PCDHA3: variants seen among roughly 807,000 people sequenced by gnomAD.
PCDHA3 encodes the protein protocadherin alpha-3.
A neutral mutation model predicts 62.2 loss-of-function variants in PCDHA3; 41 were observed. That is an observed-to-expected ratio of 0.66 (90% CI 0.51 to 0.86). The LOEUF (loss-of-function observed/expected upper bound fraction) is 0.86. PCDHA3 is among the 40% of genes least tolerant of loss of function. The probability of loss-of-function intolerance (pLI) is 0.00; values close to 1 mark genes in which losing one functional copy is unlikely to be tolerated. For missense variants in PCDHA3, 1,304 were observed against 1,241.2 expected (o/e 1.05, Z -0.76); for synonymous variants, 640 against 555.4 (o/e 1.15, Z -2.14).
chr5:140,928,351 G>A lies in PCDHA3; in HGVS notation c.2395-50598G>A, dbSNP rs201396871. ...CCTTGTCTCTTATGAGCTGTTGGAT[G>A]TTATCTCTGAAGGGCCATCAGCCTC... On this transcript the variant is annotated intron_variant, in intron 1 of 3. Coordinates refer to ENST00000522353, the MANE Select transcript of PCDHA3 (RefSeq NM_018906.3). The A allele has an allele frequency of 1.2e-5, 20 of 1,614,150 alleles. No individual in the cohort carries two copies. In the East Asian group the frequency reaches 4.5e-4, roughly 36 times the overall value.
At position 140,803,072 on chromosome 5, in the gene PCDHA3, G is replaced by T. The variant is rs782398516; in HGVS notation, c.1875G>T (p.Gly625=). The change falls in exon 1 of 4, where the codon GGG becomes GGT. Residue 625 remains glycine, a synonymous_variant. Transcript: ENST00000522353. ...GTGCGCGCATCCCGTTTCGCGTGGG[G>T]CTGTACACGGGAGAGATCAGCACGA... The part of the protein sequence containing the change: ...TGGARIPFRV[G]LYTGEISTTR... 1.2e-6 allele frequency: 2 copies of T among 1,613,932 alleles called. No individual in the cohort carries two copies. Among genetic ancestry groups the T allele is most frequent in the South Asian group, 1.1e-5 (1 of 91,082 alleles).
intron 1 of PCDHA3, chr5:140,877,356 T>G (rs1227079705): frequency 9.9e-6 from 16 of 1,613,866 alleles, no homozygotes; most frequent in Non-Finnish European, 1.4e-5. Flanking sequence ...GGCTGTACAC[T>G]GGCGAGATCA....
chr5:140,829,318 G>A, intron 1 of PCDHA3: 3 of 1,614,246 alleles, frequency 1.9e-6, no homozygotes, highest in Non-Finnish European at 2.5e-6. Context: ...CGTTGGTGCT[G>A]GACAGTGCCC....
At chr5:140,831,202 A>C (rs2150192428) in intron 1 of PCDHA3, 1 of 152,360 alleles carries the variant, frequency 6.6e-6, no homozygotes, top group East Asian at 1.9e-4. Context: ...CTTGTGATCA[A>C]GTAAATTTAT....
intron 1 of PCDHA3, among the ~76,000 whole-genome samples, chr5:140,840,382 G>C (rs1456193921): frequency 2.0e-5 from 3 of 151,912 alleles, no homozygotes; most frequent in Admixed American, 2.0e-4. Context: ...GAAAATAGGG[G>C]GTTGCAGATA....
chr5:140,985,739 CTTTTTTTTT>C (rs11372071), intron 3 of PCDHA3, among the ~76,000 whole-genome samples: 4 of 117,922 alleles, frequency 3.4e-5, no homozygotes, highest in African/African-American at 3.2e-5. Flanking sequence ...TGATGAATTC[CTTTTTTTTT>C]TTTTTTTTTT....
At chr5:140,838,881 C>T (rs2150293311) in intron 1 of PCDHA3, among the ~76,000 whole-genome samples, 1,566 of 151,954 alleles carry the variant, frequency 0.01, 49 homozygotes, top group African/African-American at 0.036. Flanking sequence ...TGCCACTGAA[C>T]TCCAGCCTAG....
At chr5:140,884,230 CG>C in intron 1 of PCDHA3, 2 of 1,613,384 alleles carry the variant, frequency 1.2e-6, no homozygotes, top group Non-Finnish European at 1.7e-6. Flanking sequence ...TGAAGGACCA[CG>C]GTGAGCCCGC....
At chr5:140,904,214 C>T (rs2070953663) in intron 1 of PCDHA3, among the ~76,000 whole-genome samples, 1 of 151,882 alleles carries the variant, frequency 6.6e-6, no homozygotes, top group South Asian at 2.1e-4. Flanking sequence ...TCCCCAAAGT[C>T]CATTGTATTA....
intron 1 of PCDHA3, among the ~76,000 whole-genome samples, chr5:140,885,298 G>C (rs1328478663): frequency 6.6e-6 from 1 of 152,040 alleles, no homozygotes; most frequent in East Asian, 1.9e-4. Flanking sequence ...AGAGAGACCT[G>C]GTAGGCTTTT....
At chr5:140,821,748 G>C (rs2150110401) in intron 1 of PCDHA3, 1 of 1,571,216 alleles carries the variant, frequency 6.4e-7, no homozygotes, top group Non-Finnish European at 8.6e-7. Context: ...TGATGCAATA[G>C]AAAGCTCATA....
At chr5:140,842,871 T>G in intron 1 of PCDHA3, 1 of 1,593,666 alleles carries the variant, frequency 6.3e-7, no homozygotes, top group Non-Finnish European at 8.6e-7. Context: ...AGCGGCAAGG[T>G]GTACGCGCTG....
rs1487503403 is a variant in PCDHA3 at position 140,941,191 on chromosome 5, T to TTTCTTTC, written c.2395-37756_2395-37755insCTTTCTT. Among the ~76,000 whole-genome samples, 158 of 93,240 alleles carry TTTCTTTC rather than the reference T, an allele frequency of 1.7e-3. 2 individuals carry two copies. Among genetic ancestry groups the TTTCTTTC allele is most frequent in the South Asian group, 0.011 (38 of 3,542 alleles). 61.2% of individuals were successfully genotyped at this position (93,240 alleles called of 152,430 possible). A position where few individuals can be genotyped will look rare whatever the true frequency, so the allele number is the denominator to read the frequency against. ...CATCTTGAACATCCTGCTTCTTTTT[T>TTTCTTTC]TTTCTTTCTTCCTTTCTTTCTTCCT... On this transcript the variant is annotated intron_variant, in intron 1 of 3. Transcript: ENST00000522353.
intron 1 of PCDHA3, chr5:140,858,095 G>C: frequency 1.3e-6 from 2 of 1,597,916 alleles, no homozygotes; most frequent in Non-Finnish European, 1.7e-6. Context: ...GCGGGCTTCA[G>C]TGGGCGTGGC....
intron 1 of PCDHA3, chr5:140,842,742 T>C: frequency 6.3e-7 from 1 of 1,594,970 alleles, no homozygotes; most frequent in Non-Finnish European, 8.6e-7. Context: ...GGCTGCCACA[T>C]CTTCACGGTG....
At position 141,010,020 on chromosome 5, in the gene PCDHA3, TTCCTA is replaced by T. The variant is rs1554262638; in HGVS notation, c.*86_*90del. 6.4e-7 allele frequency: 1 copy of T among 1,572,330 alleles called. No individual in the cohort carries two copies. Among genetic ancestry groups the T allele is most frequent in the Non-Finnish European group, 8.6e-7 (1 of 1,163,268 alleles). On this transcript the variant is annotated 3_prime_UTR_variant, in exon 4 of 4. Coordinates refer to ENST00000522353, the MANE Select transcript of PCDHA3 (RefSeq NM_018906.3). ...CCATGTAGCAATTCCCTGCTCCTTT[TTCCTA>T]TCTACATGAGCCCTCTTAGAGACCT...
intron 1 of PCDHA3, chr5:140,871,636 T>G (rs1311531075): frequency 1.5e-6 from 2 of 1,364,670 alleles, no homozygotes; most frequent in African/African-American, 2.9e-5. Flanking sequence ...TGTCTGTTCA[T>G]AAAATACCAA....
intron 1 of PCDHA3, chr5:140,825,329 C>T (rs1171364068): frequency 6.9e-6 from 1 of 145,626 alleles, no homozygotes; most frequent in South Asian, 2.1e-4. Flanking sequence ...TGGAAATTTG[C>T]ATATTTTTCA....
chr5:140,803,691 G>A, intron 1 of PCDHA3, 100 bp downstream of exon 1: 3 of 1,552,026 alleles, frequency 1.9e-6, no homozygotes, highest in African/African-American at 1.4e-5. Flanking sequence ...TATGAATTAT[G>A]TGATTCATAA....
Sources: allele counts gnomAD v4.1 joint callset (sites outside exome capture counted in the v4.1 genomes callset), GRCh38; gene constraint gnomAD v4.1.1; transcripts MANE v1.5; gene names NCBI Gene and HGNC (gene_info 2026-07-23, HGNC 2026-07-21).